The following AGBL4 variants were observed in gnomAD, a reference collection of about 807,000 sequenced individuals.
AGBL4 encodes the protein cytosolic carboxypeptidase 6.
A neutral mutation model predicts 66.4 loss-of-function variants in AGBL4; 58 were observed. That is an observed-to-expected ratio of 0.87 (90% CI 0.71 to 1.09). The LOEUF (loss-of-function observed/expected upper bound fraction) is 1.09, where lower values mean the gene tolerates loss of function less well. Ranked by LOEUF, AGBL4 falls within the 50% of genes least tolerant of loss-of-function variation. The probability of loss-of-function intolerance (pLI) is 0.00; values close to 1 mark genes in which losing one functional copy is unlikely to be tolerated. For synonymous variants in AGBL4, 234 were observed against 222.9 expected (o/e 1.05, Z -0.44); for missense variants, 579 against 631.0 (o/e 0.92, Z 0.88).
chr1:49,979,344 C>T (rs1476397192), intron 1 of AGBL4, among the ~76,000 whole-genome samples: 1 of 151,412 alleles, frequency 6.6e-6, no homozygotes, highest in Non-Finnish European at 1.5e-5. Flanking sequence ...GCCTGTAGTC[C>T]CAGCTACTCG....
intron 3 of AGBL4, among the ~76,000 whole-genome samples, chr1:49,601,019 C>T (rs1644948157): frequency 6.6e-6 from 1 of 152,128 alleles, no homozygotes; most frequent in African/African-American, 2.4e-5. Context: ...GATGGGGTTC[C>T]TTTTTAGGTA....
chr1:49,021,355 C>A (rs543690447), intron 5 of AGBL4, among the ~76,000 whole-genome samples: 1 of 152,118 alleles, frequency 6.6e-6, no homozygotes, highest in Non-Finnish European at 1.5e-5. Flanking sequence ...ATGGTCTGAA[C>A]GTTTGTGTCC....
Position 49,813,509 on chromosome 1 carries a change from C to T in AGBL4, c.157+37887G>A, listed in dbSNP as rs74527747. On this transcript the variant is annotated intron_variant, in intron 2 of 13. Transcript: ENST00000371839. Reference sequence around the variant, plus strand: ...TTATCCCTAGGTAAACATGGCCACTCCCTCCTTGGTGACTCTATAATACCC... The same window carrying T: ...TTATCCCTAGGTAAACATGGCCACTTCCTCCTTGGTGACTCTATAATACCC... 1.1e-3 allele frequency among the ~76,000 whole-genome samples: 166 copies of T among 152,216 alleles called. 1 individual carries two copies. Among genetic ancestry groups the T allele is most frequent in the African/African-American group, 3.8e-3 (156 of 41,544 alleles).
At chr1:49,702,330 A>C (rs1048533800) in intron 2 of AGBL4, among the ~76,000 whole-genome samples, 2 of 152,098 alleles carry the variant, frequency 1.3e-5, no homozygotes, top group African/African-American at 4.8e-5. Context: ...GTCTCTACTA[A>C]AAATACAAAA....
chr1:49,845,697 G>C (rs1646122933), intron 2 of AGBL4: 1 of 1,599,650 alleles, frequency 6.3e-7, no homozygotes, highest in Non-Finnish European at 8.6e-7. Context: ...CCTTCAGCCA[G>C]AGCACATTCC....
At chr1:49,455,344 G>A (rs1205275854) in intron 3 of AGBL4, among the ~76,000 whole-genome samples, 1 of 151,662 alleles carries the variant, frequency 6.6e-6, no homozygotes, top group East Asian at 1.9e-4. Context: ...TAAAGCTGGG[G>A]TGAAAATATT....
intron 4 of AGBL4, among the ~76,000 whole-genome samples, chr1:49,241,158 C>T (rs1210664006): frequency 6.6e-6 from 1 of 152,028 alleles, no homozygotes; most frequent in Non-Finnish European, 1.5e-5. Flanking sequence ...TTCATCCTCT[C>T]CAAAATATTC....
At chr1:48,611,977 T>A (rs320023) in intron 9 of AGBL4, among the ~76,000 whole-genome samples, 28,771 of 152,202 alleles carry the variant, frequency 0.19, 3,287 homozygotes, top group African/African-American at 0.31. Context: ...ACAGCTAGGC[T>A]CAGACACAAG....
chr1:48,619,548 C>A (rs368242324), intron 9 of AGBL4, among the ~76,000 whole-genome samples: 3 of 152,308 alleles, frequency 2.0e-5, no homozygotes, highest in South Asian at 2.1e-4. Context: ...TGAAGCCCTG[C>A]TTTCATTCAC....
At chr1:49,657,072 T>A (rs1262625738) in intron 3 of AGBL4, among the ~76,000 whole-genome samples, 2 of 152,200 alleles carry the variant, frequency 1.3e-5, no homozygotes, top group African/African-American at 4.8e-5. Flanking sequence ...AAATTGTCCC[T>A]CTTTGCAGAT....
intron 3 of AGBL4, among the ~76,000 whole-genome samples, chr1:49,419,363 C>T (rs935107586): frequency 2.0e-5 from 3 of 152,088 alleles, no homozygotes; most frequent in Non-Finnish European, 4.4e-5. Context: ...TCTGTGATAT[C>T]GGTAACATAG....
chr1:49,485,445 C>T (rs1247849819), intron 3 of AGBL4, among the ~76,000 whole-genome samples: 3 of 100,778 alleles, frequency 3.0e-5, no homozygotes, highest in African/African-American at 4.1e-5. Flanking sequence ...CATCACACAC[C>T]GGGGTCTGTT....
intron 3 of AGBL4, chr1:49,527,494 A>G (rs943971225): frequency 6.6e-6 from 1 of 152,666 alleles, no homozygotes; most frequent in Non-Finnish European, 1.5e-5. Flanking sequence ...ATAAGCCTCA[A>G]TGTACCATTT....
chr1:49,254,205 T>C (rs1652295847), intron 3 of AGBL4, among the ~76,000 whole-genome samples: 1 of 152,112 alleles, frequency 6.6e-6, no homozygotes, highest in South Asian at 2.1e-4. Context: ...GGCATCCAAA[T>C]AGAAGGAGAA....
intron 3 of AGBL4, among the ~76,000 whole-genome samples, chr1:49,283,036 G>A (rs164823): frequency 0.08 from 12,232 of 152,324 alleles, 684 homozygotes; most frequent in African/African-American, 0.16. Flanking sequence ...AAGAAGGCCT[G>A]CCTGCCTCTG....
At chr1:48,580,768 A>G (rs1644727551) in intron 11 of AGBL4, among the ~76,000 whole-genome samples, 1 of 152,118 alleles carries the variant, frequency 6.6e-6, no homozygotes, top group African/African-American at 2.4e-5. Context: ...TGTACCTGTT[A>G]CATATTTCAC....
chr1:48,634,519 GT>G lies in AGBL4; in HGVS notation c.924del (p.Gln308HisfsTer26), dbSNP rs866578883. ...WVHPTLHGVK[Q>X]LIVQMYNDPK... The stretch of plus-strand genomic sequence containing the variant: ...GGGTCGTTGTACATCTGGACGATGA[GT>G]TGTTTCACTCCATGCAGGGTAGGAT... On this transcript the variant is annotated frameshift_variant, in exon 9 of 14. Coordinates refer to ENST00000371839, the MANE Select transcript of AGBL4 (RefSeq NM_032785.4). LOFTEE classifies it high-confidence loss of function. The G allele has an allele frequency of 2.5e-6, 4 of 1,604,386 alleles. No homozygotes were observed. The highest frequency in any genetic ancestry group is 3.4e-6 in the Non-Finnish European group (4 of 1,175,322).
intron 1 of AGBL4, among the ~76,000 whole-genome samples, chr1:49,992,417 A>G (rs1660025799): frequency 1.3e-5 from 2 of 150,970 alleles, no homozygotes; most frequent in African/African-American, 4.9e-5. Context: ...CCCCTATGTC[A>G]CTACCTTGTT....
At chr1:48,527,793 G>C in the AGBL4 span, among the ~76,000 whole-genome samples, 2 of 152,068 alleles carry the variant, frequency 1.3e-5, no homozygotes, top group Non-Finnish European at 2.9e-5. Context: ...GAACAAGCAG[G>C]AATAACCAGT....
Sources: allele counts gnomAD v4.1 joint callset (sites outside exome capture counted in the v4.1 genomes callset), GRCh38; gene constraint gnomAD v4.1.1; transcripts MANE v1.5; gene names NCBI Gene and HGNC (gene_info 2026-07-23, HGNC 2026-07-21).